Variants in SRPK2 observed in about 807,000 individuals in gnomAD.
SRPK2 encodes the protein SFRS protein kinase 2.
A neutral mutation model predicts 90.8 loss-of-function variants in SRPK2; 21 were observed. The observed-to-expected ratio is 0.23, with a 90% confidence interval of 0.16 to 0.33. SRPK2 has a LOEUF of 0.33. SRPK2 is among the 10% of genes least tolerant of loss of function. The probability of loss-of-function intolerance (pLI) is 1.00; values close to 1 mark genes in which losing one functional copy is unlikely to be tolerated. For synonymous variants in SRPK2, 288 were observed against 311.1 expected (o/e 0.93, Z 0.78); for missense variants, 620 against 869.0 (o/e 0.71, Z 3.60).
chr7:105,301,160 T>G (rs1232236148), intron 2 of SRPK2, among the ~76,000 whole-genome samples: 1 of 152,030 alleles, frequency 6.6e-6, no homozygotes, highest in Non-Finnish European at 1.5e-5. Context: ...AATGTGCCAC[T>G]TGGCTGGGCG....
chr7:105,245,030 A>ACACAC (rs760527264), intron 2 of SRPK2: 11 of 489,142 alleles, frequency 2.2e-5, no homozygotes, highest in Non-Finnish European at 3.7e-5. Flanking sequence ...AACAAAACAA[A>ACACAC]ACAAACACAC....
intron 3 of SRPK2, among the ~76,000 whole-genome samples, chr7:105,178,068 T>TA (rs1792225749): frequency 6.6e-6 from 1 of 151,354 alleles, no homozygotes; most frequent in Non-Finnish European, 1.5e-5. Context: ...ACATTCTTCC[T>TA]AAGATTTGAC....
intron 15 of SRPK2, among the ~76,000 whole-genome samples, chr7:105,119,025 C>T (rs1799952764): frequency 1.3e-5 from 2 of 152,032 alleles, no homozygotes; most frequent in African/African-American, 4.8e-5. Context: ...CCACCCCTGC[C>T]CACAGACCTC....
chr7:105,168,232 C>CA (rs1287362782), intron 4 of SRPK2, 137 bp from the exon 5 acceptor site: 1 of 650,518 alleles, frequency 1.5e-6, no homozygotes, highest in African/African-American at 1.8e-5. Context: ...ATGAGTGTGT[C>CA]AACACGATGC....
intron 2 of SRPK2, among the ~76,000 whole-genome samples, chr7:105,285,414 G>C (rs922307388): frequency 6.8e-6 from 1 of 147,214 alleles, no homozygotes; most frequent in Non-Finnish European, 1.5e-5. Context: ...AAAAGGAAAA[G>C]GAAAAGAAAA....
At chr7:105,121,982 T>C (rs1036024266) in intron 15 of SRPK2, among the ~76,000 whole-genome samples, 4 of 152,174 alleles carry the variant, frequency 2.6e-5, no homozygotes, top group African/African-American at 7.2e-5. Flanking sequence ...GATATAAAAC[T>C]GATGAGCATC....
At position 105,253,666 on chromosome 7, in the gene SRPK2, C is replaced by G. The variant is rs375973450; in HGVS notation, c.72-49881G>C. ...GTCCTGAGACTACACAGAGAGCACG[C>G]CCCTGTCCCCCACAAAAGTAATTCA... On this transcript the variant is annotated intron_variant, in intron 2 of 15. Coordinates refer to ENST00000393651, the MANE Select transcript of SRPK2 (RefSeq NM_182692.3). Among the ~76,000 whole-genome samples the G allele has an allele frequency of 2.2e-4, 34 of 152,242 alleles. No homozygotes were observed. The East Asian group carries it at 4.6e-3, about 21-fold the overall frequency.
intron 2 of SRPK2, among the ~76,000 whole-genome samples, chr7:105,377,181 A>T (rs1380673664): frequency 6.6e-6 from 1 of 152,046 alleles, no homozygotes; most frequent in African/African-American, 2.4e-5. Flanking sequence ...CTGTAAGACA[A>T]CTTTCTCCTG....
At chr7:105,355,084 T>G (rs745369025) in intron 2 of SRPK2, among the ~76,000 whole-genome samples, 4 of 152,236 alleles carry the variant, frequency 2.6e-5, no homozygotes, top group Non-Finnish European at 4.4e-5. Context: ...CTTCATTATT[T>G]TTACTGCTGA....
intron 2 of SRPK2, among the ~76,000 whole-genome samples, chr7:105,269,746 CA>C (rs796890267): frequency 8.7e-4 from 133 of 152,320 alleles, no homozygotes; most frequent in African/African-American, 3.1e-3. Context: ...TCCTTTAAAA[CA>C]TCAACGACTG....
At chr7:105,168,784 T>C (rs1563020911) in intron 4 of SRPK2, among the ~76,000 whole-genome samples, 1 of 148,326 alleles carries the variant, frequency 6.7e-6, no homozygotes, top group African/African-American at 2.5e-5. Context: ...TGTGTGTGTA[T>C]GGAGTAGCAA....
intron 2 of SRPK2, chr7:105,244,720 GC>G: frequency 1.7e-6 from 2 of 1,170,078 alleles, no homozygotes; most frequent in Non-Finnish European, 1.3e-6. Context: ...ACGTGAGCGA[GC>G]CCAGGCACAG....
chr7:105,177,437 ATGT>A (rs1388073149), intron 3 of SRPK2, among the ~76,000 whole-genome samples: 1 of 152,238 alleles, frequency 6.6e-6, no homozygotes, highest in African/African-American at 2.4e-5. Context: ...GTTGTCAATG[ATGT>A]TCTTATGAAT....
intron 2 of SRPK2, among the ~76,000 whole-genome samples, chr7:105,276,270 G>A (rs891286505): frequency 2.6e-5 from 4 of 151,636 alleles, no homozygotes; most frequent in Non-Finnish European, 5.9e-5. Flanking sequence ...GTAGAGACAG[G>A]GTCTCGCTAT....
rs573314588 is a variant in SRPK2, at chr7:105,325,931, G to A, written c.71+62717C>T. ...CTACGACTGAAGGCTTCTTAAGTCA[G>A]AATCCTGCCCAGGCGGAAAAACAAG... On this transcript the variant is annotated intron_variant, in intron 2 of 15. Coordinates refer to ENST00000393651, the MANE Select transcript of SRPK2 (RefSeq NM_182692.3). Among the ~76,000 whole-genome samples, 7 of 152,338 alleles carry A rather than the reference G, an allele frequency of 4.6e-5. No individual in the cohort carries two copies. In the East Asian group the frequency reaches 1.3e-3, roughly 29 times the overall value.
intron 3 of SRPK2, among the ~76,000 whole-genome samples, chr7:105,185,051 A>G (rs1793396295): frequency 6.6e-6 from 1 of 152,076 alleles, no homozygotes; most frequent in African/African-American, 2.4e-5. Context: ...GAACTTGGAC[A>G]TTGTTTGTAT....
chr7:105,131,374 C>T (rs1197754807), intron 13 of SRPK2, among the ~76,000 whole-genome samples: 1 of 152,204 alleles, frequency 6.6e-6, no homozygotes, highest in Non-Finnish European at 1.5e-5. Flanking sequence ...ACAGCACTCT[C>T]TAAATTCAAA....
At position 105,292,922 on chromosome 7, in the gene SRPK2, A is replaced by C. The variant is rs147891635; in HGVS notation, c.72-89137T>G. Among the ~76,000 whole-genome samples, 772 of 152,230 alleles carry C rather than the reference A, an allele frequency of 5.1e-3. 11 individuals carry two copies. In the East Asian group the frequency reaches 0.055, roughly 11 times the overall value. ...GCCATAGTACATCTGCTTCTGTTTG[A>C]GCATCTCCTTGATTCTTTCCCAAGT... is the stretch of plus-strand genomic sequence containing the variant. On this transcript the variant is annotated intron_variant, in intron 2 of 15. Transcript: ENST00000393651.
intron 2 of SRPK2, among the ~76,000 whole-genome samples, chr7:105,245,445 G>A (rs547568554): frequency 1.4e-4 from 22 of 152,292 alleles, no homozygotes; most frequent in African/African-American, 3.1e-4. Context: ...GACTGTGAAC[G>A]ACCTGTTTTA....
Sources: allele counts gnomAD v4.1 joint callset (sites outside exome capture counted in the v4.1 genomes callset), GRCh38; gene constraint gnomAD v4.1.1; transcripts MANE v1.5; gene names NCBI Gene and HGNC (gene_info 2026-07-23, HGNC 2026-07-21).